Variants in RAB40B observed in about 807,000 individuals in gnomAD.
RAB40B encodes ras-related protein Rab-40B.
A neutral mutation model predicts 24.0 loss-of-function variants in RAB40B; 21 were observed. That is an observed-to-expected ratio of 0.88 (90% CI 0.62 to 1.26). RAB40B has a LOEUF of 1.26. Ranked by LOEUF, RAB40B falls within the 50% of genes most tolerant of loss-of-function variation. RAB40B has a pLI of 0.00. For synonymous variants in RAB40B, 167 were observed against 169.8 expected, an observed-to-expected ratio of 0.98 and a Z score of 0.13; for missense variants, 348 against 390.5, an observed-to-expected ratio of 0.89 and a Z score of 0.92.
intron 1 of RAB40B, among the ~76,000 whole-genome samples, chr17:82,679,257 CTTATTA>C (rs542700983): frequency 1.1e-4 from 16 of 150,132 alleles, no homozygotes; most frequent in African/African-American, 2.5e-4. Context: ...CACCACAAGC[CTTATTA>C]TTATTATTAT....
At chr17:82,661,094 C>T (rs775631714) in intron 2 of RAB40B, 47 bp from the exon 3 acceptor site, 1 of 1,604,424 alleles carries the variant, frequency 6.2e-7, no homozygotes, top group Admixed American at 1.7e-5. Flanking sequence ...GTGCTTCTTC[C>T]TGACAACAGG....
At chr17:82,680,382 G>A (rs541568782) in intron 1 of RAB40B, among the ~76,000 whole-genome samples, 7 of 152,128 alleles carry the variant, frequency 4.6e-5, no homozygotes, top group East Asian at 3.9e-4. Flanking sequence ...CTCGGGGGAC[G>A]GGACGGCAGT....
At position 82,657,491 on chromosome 17, in the gene RAB40B, T is replaced by C; in HGVS notation, c.*372A>G. The C allele has an allele frequency of 5.5e-6, 2 of 362,192 alleles. No individual in the cohort carries two copies. Among genetic ancestry groups the C allele is most frequent in the Non-Finnish European group, 1.1e-5 (2 of 187,044 alleles). The allele number at this position is 362,192 out of a possible 1,614,324, so 22.4% of individuals were successfully genotyped here. A position where few individuals can be genotyped will look rare whatever the true frequency, so the allele number is the denominator to read the frequency against. ...TGACTCTAAATTATCCCGCTGCCAT[T>C]GCTTCTCAAATTCCATTGAATTTAT... On this transcript the variant is annotated 3_prime_UTR_variant, in exon 6 of 6. Coordinates refer to ENST00000571995, the MANE Select transcript of RAB40B (RefSeq NM_006822.3).
chr17:82,695,767 C>A (rs1004921669), intron 1 of RAB40B, among the ~76,000 whole-genome samples: 25 of 152,022 alleles, frequency 1.6e-4, no homozygotes, highest in Non-Finnish European at 7.3e-5. Context: ...TTCAGAATAT[C>A]TTTTCTTAAC....
intron 1 of RAB40B, among the ~76,000 whole-genome samples, chr17:82,685,184 A>G (rs2046485442): frequency 6.8e-6 from 1 of 148,078 alleles, no homozygotes; most frequent in Non-Finnish European, 1.5e-5. Context: ...ATATCTCAAT[A>G]AAAGCAGAGA....
intron 1 of RAB40B, among the ~76,000 whole-genome samples, chr17:82,666,554 T>C (rs11658763): frequency 0.26 from 40,280 of 152,016 alleles, 5,946 homozygotes; most frequent in Middle Eastern, 0.45. Context: ...CAATAAATAT[T>C]TTTAAAGGGA....
chr17:82,661,383 G>A (rs1484067817), intron 2 of RAB40B: 3 of 697,586 alleles, frequency 4.3e-6, no homozygotes, highest in Non-Finnish European at 5.5e-6. Context: ...AAGGAGTGTG[G>A]GTCTACACCA....
chr17:82,655,222 C>T lies in RAB40B; in HGVS notation c.*2641G>A, dbSNP rs1210039089. The T allele has an allele frequency of 2.0e-5, 3 of 152,014 alleles. No homozygotes were observed. Among genetic ancestry groups the T allele is most frequent in the Admixed American group, 1.3e-4 (2 of 15,256 alleles). 9.4% of individuals were successfully genotyped at this position (152,014 alleles called of 1,614,324 possible). A position where few individuals can be genotyped will look rare whatever the true frequency, so the allele number is the denominator to read the frequency against. On this transcript the variant is annotated 3_prime_UTR_variant, in exon 6 of 6. Coordinates refer to ENST00000571995, the MANE Select transcript of RAB40B (RefSeq NM_006822.3). ...AGCTCTGGAAGCCGGAAGTCCAAAA[C>T]CAATAACTTGGCAGGGCTGTGCTCC... is the stretch of plus-strand genomic sequence containing the variant.
At chr17:82,673,758 C>T (rs1598305526) in intron 1 of RAB40B, among the ~76,000 whole-genome samples, 2 of 152,140 alleles carry the variant, frequency 1.3e-5, no homozygotes, top group South Asian at 2.1e-4. Flanking sequence ...TAGGGATCTT[C>T]GTGGCCAGGC....
chr17:82,695,135 T>G (rs1301257375), intron 1 of RAB40B, among the ~76,000 whole-genome samples: 1 of 151,288 alleles, frequency 6.6e-6, no homozygotes, highest in East Asian at 1.9e-4. Flanking sequence ...CAGGAGGAAT[T>G]GGGTGGAGGG....
At position 82,675,216 on chromosome 17, in the gene RAB40B, C is replaced by T. The variant is rs2046383893; in HGVS notation, c.143-10660G>A. ...AACAAGAACTGGAAATAAAATCGAA[C>T]TCAGTGATAATGATTTCATTATTCA... On this transcript the variant is annotated intron_variant, in intron 1 of 5. Coordinates refer to ENST00000571995, the MANE Select transcript of RAB40B (RefSeq NM_006822.3). This position sits in a 1 kb window ranked among gnomAD's most constrained non-coding sequence, Gnocchi z 4.5. Among the ~76,000 whole-genome samples, 1 of 152,228 alleles carries T rather than the reference C, an allele frequency of 6.6e-6. No homozygotes were observed. The highest frequency in any genetic ancestry group is 1.5e-5 in the Non-Finnish European group (1 of 68,050).
rs375940080 is a variant in RAB40B, at chr17:82,690,239, T to C, written c.142+8216A>G. ...GCAGAATTGGAGGGAGCACGGAGTGTGCACACGTGTTCTCGGGGAGCAGAG... is the reference window on the plus strand; with the variant it reads ...GCAGAATTGGAGGGAGCACGGAGTGCGCACACGTGTTCTCGGGGAGCAGAG... On this transcript the variant is annotated intron_variant, in intron 1 of 5. Coordinates refer to ENST00000571995, the MANE Select transcript of RAB40B (RefSeq NM_006822.3). 2.2e-4 allele frequency among the ~76,000 whole-genome samples: 33 copies of C among 150,496 alleles called. No individual in the cohort carries two copies. The East Asian group carries it at 6.3e-3, about 29-fold the overall frequency.
intron 1 of RAB40B, among the ~76,000 whole-genome samples, chr17:82,665,890 CAAA>C (rs1002021556): frequency 2.0e-4 from 24 of 121,860 alleles, no homozygotes; most frequent in Admixed American, 6.7e-4. Flanking sequence ...AGAACAACAA[CAAA>C]AAAAAAAAAA....
Position 82,658,497 on chromosome 17 carries a change from T to A in RAB40B, c.559A>T (p.Ser187Cys), listed in dbSNP as rs2046115903. The change falls in exon 5 of 6, where the codon AGC becomes TGC. Residue 187 changes from serine (S) to cysteine (C), a missense_variant. By Grantham distance (112) the Ser-to-Cys change is moderately radical. Around this residue, in one of 3 missense-constraint regions of RAB40B, gnomAD observed 121 missense variants for 124.0 expected, o/e 0.98. Coordinates refer to ENST00000571995, the MANE Select transcript of RAB40B (RefSeq NM_006822.3). The part of the protein sequence containing the change: ...RHGMDRLWRP[S>C]KVLSLQDLCC... ...GAATAGCCCCTGGGCCTACCCTTGC[T>A]CGGCCGCCAGAGCCGGTCCATCCCA... 3 of 1,611,744 alleles carry A rather than the reference T, an allele frequency of 1.9e-6. No homozygotes were observed. The highest frequency in any genetic ancestry group is 2.2e-5 in the South Asian group (2 of 91,012).
At chr17:82,680,398 C>A (rs777074373) in intron 1 of RAB40B, among the ~76,000 whole-genome samples, 23 of 152,196 alleles carry the variant, frequency 1.5e-4, no homozygotes, top group Non-Finnish European at 2.9e-4. Context: ...GCAGTTCCCC[C>A]ACGTGTGTGA....
chr17:82,658,818 C>T, intron 4 of RAB40B, 105 bp from the exon 5 acceptor site: 2 of 981,216 alleles, frequency 2.0e-6, no homozygotes, highest in Non-Finnish European at 3.0e-6. Flanking sequence ...GAGTTCATGT[C>T]CACCCAGAAC....
At chr17:82,674,694 A>G (rs1436075962) in intron 1 of RAB40B, among the ~76,000 whole-genome samples, 1 of 151,818 alleles carries the variant, frequency 6.6e-6, no homozygotes, top group Admixed American at 6.6e-5. Context: ...ACACCTGGGG[A>G]ATGACTGACT....
chr17:82,676,415 A>T (rs1478687851), intron 1 of RAB40B, among the ~76,000 whole-genome samples: 1 of 128,570 alleles, frequency 7.8e-6, no homozygotes, highest in African/African-American at 3.0e-5. Context: ...GAGTGAGGGC[A>T]CCCCTCACCT....
rs78764686 is a variant in RAB40B, at chr17:82,658,100, G to A, written c.600C>T (p.Val200=). The part of the protein sequence containing the change: ...LSLQDLCCRA[V]VSCTPVHLVD... ...CCAGGTGCACCGGCGTGCAGGACAC[G>A]ACCGCCCGGCAGCAGAGGTCTTGCA... is the stretch of plus-strand genomic sequence containing the variant. The change falls in exon 6 of 6, where the codon GTC becomes GTT. Residue 200 remains valine, a synonymous_variant. Transcript: ENST00000571995. 1.2e-4 allele frequency: 193 copies of A among 1,614,166 alleles called. 4 individuals are homozygous for A. In the East Asian group the frequency reaches 3.9e-3, roughly 33 times the overall value.
Sources: allele counts gnomAD v4.1 joint callset (sites outside exome capture counted in the v4.1 genomes callset), GRCh38; gene constraint gnomAD v4.1.1; regional missense constraint gnomAD v4.1.1; non-coding constraint Gnocchi (gnomAD v3.1); transcripts MANE v1.5; gene names NCBI Gene and HGNC (gene_info 2026-07-23, HGNC 2026-07-21).